The following DYSF variants were observed in gnomAD, a reference collection of about 807,000 sequenced individuals.
The protein encoded by DYSF is dysferlin, also known as dystrophy-associated fer-1-like 1.
Under a neutral mutation model 274.9 loss-of-function variants are expected in DYSF, and 212 were observed. The ratio of observed to expected loss-of-function variants is 0.77; its 90% CI spans 0.69 to 0.86. The LOEUF (loss-of-function observed/expected upper bound fraction) is 0.86, where lower values mean the gene tolerates loss of function less well. Ranked by LOEUF, DYSF falls within the 40% of genes least tolerant of loss-of-function variation. DYSF has a pLI of 0.00. For missense variants in DYSF, 2,666 were observed against 2,783.2 expected, an observed-to-expected ratio of 0.96 and a Z score of 0.95; for synonymous variants, 1,091 against 1,078.7, an observed-to-expected ratio of 1.01 and a Z score of -0.22.
chr2:71,573,896 C>CA (rs1306267361), intron 29 of DYSF, among the ~76,000 whole-genome samples: 1 of 152,122 alleles, frequency 6.6e-6, no homozygotes. Context: ...AATCTCGGCT[C>CA]ACTGCAACCT....
intron 40 of DYSF, among the ~76,000 whole-genome samples, chr2:71,618,513 G>GGTGGGGT (rs2093992136): frequency 1.6e-5 from 1 of 62,116 alleles, no homozygotes; most frequent in Non-Finnish European, 4.1e-5. Context: ...GTTTGGTAGA[G>GGTGGGGT]GTGTGTGTGT....
At chr2:71,580,087 T>C (rs957515323) in intron 30 of DYSF, among the ~76,000 whole-genome samples, 4 of 152,246 alleles carry the variant, frequency 2.6e-5, no homozygotes, top group African/African-American at 9.6e-5. Context: ...GGGCATCATG[T>C]CTCTCCTGCT....
At chr2:71,512,059 A>G in intron 5 of DYSF, 138 bp downstream of exon 5, 1 of 679,020 alleles carries the variant, frequency 1.5e-6, no homozygotes, top group South Asian at 1.5e-5. Flanking sequence ...AGGCCTGGAA[A>G]GAAGAGGGTG....
intron 51 of DYSF, 106 bp downstream of exon 51, chr2:71,669,852 C>T: frequency 5.4e-6 from 8 of 1,493,478 alleles, no homozygotes; most frequent in Non-Finnish European, 7.4e-6. Context: ...CTCACTGCTG[C>T]CCCACCATGT....
chr2:71,518,728 G>A (rs1007012059), intron 10 of DYSF, among the ~76,000 whole-genome samples: 1 of 151,812 alleles, frequency 6.6e-6, no homozygotes, highest in Non-Finnish European at 1.5e-5. Context: ...TTTTAAATAT[G>A]AATTTAAAAT....
intron 36 of DYSF, among the ~76,000 whole-genome samples, chr2:71,608,061 A>G (rs1299822997): frequency 6.6e-6 from 1 of 152,038 alleles, no homozygotes; most frequent in African/African-American, 2.4e-5. Context: ...TTAGCTGGCC[A>G]GATGCTGCTG....
chr2:71,608,617 G>T (rs558629543), intron 36 of DYSF, among the ~76,000 whole-genome samples: 3 of 152,116 alleles, frequency 2.0e-5, no homozygotes, highest in Non-Finnish European at 4.4e-5. Context: ...TTCTCCAAAC[G>T]GTATTGGAGC....
chr2:71,539,735 G>A (rs1351212044), intron 17 of DYSF, among the ~76,000 whole-genome samples: 1 of 152,134 alleles, frequency 6.6e-6, no homozygotes, highest in East Asian at 1.9e-4. Context: ...ATGTATATAT[G>A]TATGTATATG....
upstream of DYSF, among the ~76,000 whole-genome samples, chr2:71,461,941 A>C (rs1286473397): frequency 6.6e-6 from 1 of 152,254 alleles, no homozygotes; most frequent in East Asian, 1.9e-4. Context: ...TAAGGGGATC[A>C]GCTCACTTAA....
chr2:71,551,709 C>A lies in DYSF; in HGVS notation c.1795C>A (p.Leu599Ile). ...KVEDLPADDI[L>I]RVEKYLRRRK... is the part of the protein sequence containing the mutation. ...GGAGGACCTTCCTGCGGATGACATC[C>A]TCCGGGTGGAGGTGAGGGGTGTGGC... The change falls in exon 19 of 56, where the codon CTC (leucine) becomes ATC (isoleucine). Residue 599 changes from leucine to isoleucine, a missense_variant. Leu to Ile is a conservative substitution (Grantham distance 5). Transcript: ENST00000410020. The A allele has an allele frequency of 6.2e-7, 1 of 1,606,774 alleles. No individual in the cohort carries two copies.
chr2:71,656,403 G>C (rs955702606), intron 43 of DYSF, 113 bp downstream of exon 43: 11 of 1,462,026 alleles, frequency 7.5e-6, no homozygotes, highest in Non-Finnish European at 9.5e-6. Context: ...TGATGTTGGT[G>C]ACCACATGGG....
intron 20 of DYSF, 113 bp from the exon 21 acceptor site, chr2:71,553,694 C>A (rs1193172263): frequency 1.6e-6 from 2 of 1,219,424 alleles, no homozygotes; most frequent in Non-Finnish European, 2.3e-6. Flanking sequence ...TGGTCCCTTT[C>A]CCAGCTCTGC....
intron 17 of DYSF, among the ~76,000 whole-genome samples, chr2:71,550,506 G>A (rs553546030): frequency 6.6e-6 from 1 of 151,768 alleles, no homozygotes; most frequent in Admixed American, 6.5e-5. Context: ...ACGGCTAGCT[G>A]GGCTCCATCC....
intron 17 of DYSF, among the ~76,000 whole-genome samples, chr2:71,542,908 C>A (rs1053794908): frequency 6.6e-6 from 1 of 152,192 alleles, no homozygotes; most frequent in Non-Finnish European, 1.5e-5. Flanking sequence ...GATGGGGTGG[C>A]GGCCGGGCAG....
At chr2:71,672,498 C>G (rs1435501659) in intron 51 of DYSF, among the ~76,000 whole-genome samples, 1 of 152,214 alleles carries the variant, frequency 6.6e-6, no homozygotes, top group Admixed American at 6.5e-5. Context: ...CTTTGAACCA[C>G]CACTGGTTGC....
At chr2:71,666,829 C>T (rs897344756) in intron 47 of DYSF, among the ~76,000 whole-genome samples, 2 of 152,196 alleles carry the variant, frequency 1.3e-5, no homozygotes, top group East Asian at 3.8e-4. Context: ...ATAATAACAG[C>T]ACTCAGCTTC....
chr2:71,535,350 C>T (rs2089216465), intron 16 of DYSF, 39 bp downstream of exon 16: 1 of 1,599,094 alleles, frequency 6.3e-7, no homozygotes. Flanking sequence ...GCGGGCTGTC[C>T]TGAGGGGGCG....
chr2:71,620,022 G>T (rs1343366488), intron 40 of DYSF, among the ~76,000 whole-genome samples: 2 of 152,220 alleles, frequency 1.3e-5, no homozygotes, highest in Non-Finnish European at 2.9e-5. Flanking sequence ...CCCCACTGAT[G>T]TCAGGTTTTG....
intron 54 of DYSF, among the ~76,000 whole-genome samples, chr2:71,682,304 G>A (rs2095306286): frequency 6.6e-6 from 1 of 152,094 alleles, no homozygotes; most frequent in Non-Finnish European, 1.5e-5. Flanking sequence ...TTAGGGCTTG[G>A]CAGCACCCAG....
Sources: gnomAD v4.1 joint callset for allele counts (sites outside exome capture counted in the v4.1 genomes callset) on GRCh38, gnomAD v4.1.1 for gene constraint, MANE v1.5 for transcripts, NCBI Gene and HGNC (gene_info 2026-07-23, HGNC 2026-07-21) for gene names.